The following SLC22A14 variants were observed in gnomAD, a reference collection of about 807,000 sequenced individuals.
SLC22A14 encodes solute carrier family 22 member 14, also known as organic cation transporter-like 4.
A neutral mutation model predicts 53.9 loss-of-function variants in SLC22A14; 50 were observed. The observed-to-expected ratio is 0.93, with a 90% CI of 0.74 to 1.17. The LOEUF (loss-of-function observed/expected upper bound fraction) is 1.17, where lower values mean the gene tolerates loss of function less well. SLC22A14 is among the 50% of genes most tolerant of loss of function. The pLI is 0.00. For missense variants in SLC22A14, 671 were observed against 734.7 expected, an observed-to-expected ratio of 0.91 and a Z score of 1.00; for synonymous variants, 312 against 303.0, an observed-to-expected ratio of 1.03 and a Z score of -0.31.
chr3:38,315,447 G>A (rs975705145), intron 8 of SLC22A14, 111 bp from the exon 9 acceptor site: 13 of 1,155,058 alleles, frequency 1.1e-5, no homozygotes, highest in Non-Finnish European at 1.6e-5. Flanking sequence ...TCCTCTGACA[G>A]AATGCCTGAG....
intron 1 of SLC22A14, 135 bp from the exon 2 acceptor site, chr3:38,305,892 T>G (rs1236055815): frequency 1.2e-6 from 1 of 806,306 alleles, no homozygotes; most frequent in East Asian, 2.4e-5. Flanking sequence ...GGGAGGGAAC[T>G]ACTGAGAACG....
In SLC22A14 at chr3:38,294,215, G is replaced by C. The variant is rs913778637; in HGVS notation, c.1-11812G>C. On this transcript the variant is annotated intron_variant, in intron 1 of 10. Transcript: ENST00000448498. Reference sequence around the variant, plus strand: ...TCTTATTAGTTGGGGAAGGAGTCGGGGGGACACTGGGGTAGGGAAGTAGAC... The same window carrying C: ...TCTTATTAGTTGGGGAAGGAGTCGGCGGGACACTGGGGTAGGGAAGTAGAC... Among the ~76,000 whole-genome samples the C allele has an allele frequency of 2.0e-5, 3 of 151,808 alleles. No homozygotes were observed. In the East Asian group the frequency reaches 5.8e-4, roughly 29 times the overall value.
chr3:38,301,728 T>C (rs1704164070), intron 1 of SLC22A14, among the ~76,000 whole-genome samples: 1 of 151,140 alleles, frequency 6.6e-6, no homozygotes, highest in African/African-American at 2.4e-5. Context: ...AGGGATACTT[T>C]TAATGTTTCC....
At chr3:38,295,802 G>GTCTCTCTCTCTCTCTCTCTCTT (rs1704023892) in intron 1 of SLC22A14, among the ~76,000 whole-genome samples, 1 of 147,196 alleles carries the variant, frequency 6.8e-6, no homozygotes, top group African/African-American at 2.5e-5. Flanking sequence ...CTCTCTGTCT[G>GTCTCTCTCTCTCTCTCTCTCTT]TCTCTCTCTC....
At position 38,316,378 on chromosome 3, in the gene SLC22A14, C is replaced by A. The variant is rs1336954951; in HGVS notation, c.1587C>A (p.Ser529=). 6.2e-7 allele frequency: 1 copy of A among 1,614,040 alleles called. No individual in the cohort carries two copies. Among genetic ancestry groups the A allele is most frequent in the African/African-American group, 1.3e-5 (1 of 74,914 alleles). Reference sequence around the variant, plus strand: ...CCTCGGTGGCTGGAGCCATCTTGTCCCTGACAATCATCAGCCAGACCCCCT... The same window carrying A: ...CCTCGGTGGCTGGAGCCATCTTGTCACTGACAATCATCAGCCAGACCCCCT... ...SLASVAGAIL[S]LTIISQTPSL... is the part of the protein sequence containing the mutation. The change falls in exon 10 of 11, where the codon TCC becomes TCA. Residue 529 remains serine (S), a synonymous_variant. Coordinates refer to ENST00000448498, the MANE Select transcript of SLC22A14 (RefSeq NM_001320033.2).
intron 1 of SLC22A14, among the ~76,000 whole-genome samples, chr3:38,288,904 G>C (rs1452505306): frequency 1.3e-5 from 2 of 152,018 alleles, no homozygotes; most frequent in Non-Finnish European, 2.9e-5. Flanking sequence ...GTGAGACTGG[G>C]CACAGTGGCT....
chr3:38,316,818 C>A (rs1163666055), intron 10 of SLC22A14, among the ~76,000 whole-genome samples: 2 of 152,190 alleles, frequency 1.3e-5, no homozygotes, highest in Non-Finnish European at 2.9e-5. Flanking sequence ...TTTGGGCATA[C>A]CCTCCAGGGG....
intron 8 of SLC22A14, 98 bp from the exon 9 acceptor site, chr3:38,315,460 T>C: frequency 7.7e-7 from 1 of 1,306,100 alleles, no homozygotes. Context: ...TGCCTGAGCC[T>C]GCTGGCCAGC....
At chr3:38,313,518 G>T (rs1295530540) in intron 7 of SLC22A14, 33 bp downstream of exon 7, 1 of 1,459,010 alleles carries the variant, frequency 6.9e-7, no homozygotes, top group Non-Finnish European at 9.6e-7. Flanking sequence ...CAGGGACTGC[G>T]AACAGGTGCG....
At chr3:38,316,547 C>T in intron 10 of SLC22A14, 23 bp downstream of exon 10, 1 of 1,608,000 alleles carries the variant, frequency 6.2e-7, no homozygotes. Context: ...GCCTCCTGGG[C>T]TGTGCCAGCA....
intron 5 of SLC22A14, among the ~76,000 whole-genome samples, chr3:38,311,506 T>G (rs978713075): frequency 3.3e-5 from 5 of 152,244 alleles, no homozygotes; most frequent in African/African-American, 1.2e-4. Flanking sequence ...TGACAAATCT[T>G]TAAGTTCTGC....
upstream of SLC22A14, among the ~76,000 whole-genome samples, chr3:38,280,604 T>G (rs759671603): frequency 6.6e-6 from 1 of 152,002 alleles, no homozygotes. Flanking sequence ...TTATTGGGGC[T>G]CTTCTCAACC....
intron 5 of SLC22A14, among the ~76,000 whole-genome samples, chr3:38,310,096 G>A (rs1292709410): frequency 1.5e-4 from 23 of 152,182 alleles, no homozygotes; most frequent in Admixed American, 1.4e-3. Context: ...ACAGCATGGG[G>A]GCTGGGCGCA....
At chr3:38,283,590 G>A (rs1358465284) in intron 1 of SLC22A14, among the ~76,000 whole-genome samples, 1 of 152,220 alleles carries the variant, frequency 6.6e-6, no homozygotes, top group Non-Finnish European at 1.5e-5. Context: ...AGCACTTTGG[G>A]AGGCCGAGGC....
At chr3:38,300,850 C>T (rs73825514) in intron 1 of SLC22A14, among the ~76,000 whole-genome samples, 9,761 of 152,222 alleles carry the variant, frequency 0.064, 375 homozygotes, top group East Asian at 0.16. Context: ...AAACACTCTT[C>T]TTAAATATTT....
At chr3:38,310,644 C>T (rs998539181) in intron 5 of SLC22A14, among the ~76,000 whole-genome samples, 6 of 152,072 alleles carry the variant, frequency 3.9e-5, no homozygotes, top group South Asian at 4.2e-4. Flanking sequence ...CCATCACTCT[C>T]AGGTCCATTC....
chr3:38,292,134 C>T (rs984431053), intron 1 of SLC22A14, among the ~76,000 whole-genome samples: 1 of 152,258 alleles, frequency 6.6e-6, no homozygotes, highest in South Asian at 2.1e-4. Flanking sequence ...GGTTTCTGAA[C>T]GGGTGGCTAA....
chr3:38,288,903 G>T (rs1432994209), intron 1 of SLC22A14, among the ~76,000 whole-genome samples: 7 of 151,996 alleles, frequency 4.6e-5, no homozygotes, highest in Admixed American at 4.6e-4. Flanking sequence ...TGTGAGACTG[G>T]GCACAGTGGC....
chr3:38,313,105 A>ACC lies in SLC22A14; in HGVS notation c.1051_1052insCC (p.Asn351ThrfsTer14), dbSNP rs771199579. 6.2e-6 allele frequency: 10 copies of ACC among 1,610,200 alleles called. No individual in the cohort carries two copies. Among genetic ancestry groups the ACC allele is most frequent in the Non-Finnish European group, 8.5e-6 (10 of 1,178,554 alleles). On this transcript the variant is annotated frameshift_variant, in exon 6 of 11. Coordinates refer to ENST00000448498, the MANE Select transcript of SLC22A14 (RefSeq NM_001320033.2). LOFTEE classifies it high-confidence loss of function. ...TGTGAACAAGAAGACCATTCCTTCA[A>ACC]ATCTGCTGGACGAGGTAAAGGGCTT...
Sources: gnomAD v4.1 joint callset for allele counts (sites outside exome capture counted in the v4.1 genomes callset) on GRCh38, gnomAD v4.1.1 for gene constraint, MANE v1.5 for transcripts, NCBI Gene and HGNC (gene_info 2026-07-23, HGNC 2026-07-21) for gene names.